The following CA4 variants were observed in gnomAD, a reference collection of about 807,000 sequenced individuals.
The protein encoded by CA4 is carbonic anhydrase 4, also known as CA-IV.
In CA4, 24 loss-of-function variants were observed where a neutral mutation model predicts 34.5. The observed-to-expected ratio is 0.70, with a 90% CI of 0.50 to 0.98. CA4 has a LOEUF of 0.98. Among genes scored for constraint, CA4 ranks in the 50% least tolerant of loss-of-function variants. The pLI is 0.00. For missense variants in CA4, 394 were observed against 396.7 expected, an observed-to-expected ratio of 0.99 and a Z score of 0.06; for synonymous variants, 178 against 170.6, an observed-to-expected ratio of 1.04 and a Z score of -0.34.
intron 1 of CA4, among the ~76,000 whole-genome samples, chr17:60,152,332 C>T (rs1177735761): frequency 6.6e-6 from 1 of 151,750 alleles, no homozygotes; most frequent in African/African-American, 2.4e-5. Flanking sequence ...CCTCATCCAC[C>T]GACATGGACC....
At chr17:60,175,824 T>C (rs1022214268), downstream of CA4, among the ~76,000 whole-genome samples, 6 of 151,122 alleles carry the variant, frequency 4.0e-5, no homozygotes, top group Admixed American at 3.3e-4. Context: ...TATACATTTT[T>C]TTTTTTTTTT....
intron 7 of CA4, chr17:60,158,761 C>T (rs954833155): frequency 1.7e-5 from 8 of 463,234 alleles, no homozygotes; most frequent in Non-Finnish European, 2.8e-5. Flanking sequence ...GCACTGCTTT[C>T]ATTCCAAAAC....
downstream of CA4, among the ~76,000 whole-genome samples, chr17:60,161,496 G>A (rs568060902): frequency 6.6e-6 from 1 of 152,172 alleles, no homozygotes; most frequent in South Asian, 2.1e-4. Context: ...AGGAAGGCGT[G>A]CCCACCAGGA....
At chr17:60,155,041 G>A (rs1433268992) in intron 1 of CA4, among the ~76,000 whole-genome samples, 2 of 152,218 alleles carry the variant, frequency 1.3e-5, no homozygotes, top group Non-Finnish European at 2.9e-5. Flanking sequence ...TTAGAGATGA[G>A]TGGCCTCAGA....
At chr17:60,155,624 ACT>A (rs1327965125) in intron 2 of CA4, among the ~76,000 whole-genome samples, 19 of 150,508 alleles carry the variant, frequency 1.3e-4, no homozygotes, top group African/African-American at 3.7e-4. Flanking sequence ...ACACTCAAAC[ACT>A]CACACTCACA....
intron 1 of CA4, among the ~76,000 whole-genome samples, chr17:60,154,230 G>A (rs1349066869): frequency 1.3e-5 from 2 of 149,368 alleles, no homozygotes; most frequent in Non-Finnish European, 3.0e-5. Context: ...CTCCCAAAAG[G>A]AGGCCATGGG....
chr17:60,156,310 C>T (rs745335634), intron 2 of CA4, among the ~76,000 whole-genome samples: 5 of 152,204 alleles, frequency 3.3e-5, no homozygotes, highest in Non-Finnish European at 7.3e-5. Flanking sequence ...CAACCCTGTT[C>T]CCACCCTGTT....
In CA4 at chr17:60,156,619, A is replaced by T. The variant is rs1183228586; in HGVS notation, c.172A>T (p.Thr58Ser). The change falls in exon 3 of 8, where the codon ACC (threonine) becomes TCC (serine). Residue 58 changes from threonine to serine, a missense_variant. By Grantham distance (58) the Thr-to-Ser change is moderately conservative. Transcript: ENST00000300900. ...KDRQSPINIV[T>S]TKAKVDKKLG... ...CCGCCAGTCCCCCATCAACATCGTCACCACCAAGGCAAAGGTGGACAAAAA... is the reference window on the plus strand; with the variant it reads ...CCGCCAGTCCCCCATCAACATCGTCTCCACCAAGGCAAAGGTGGACAAAAA... The T allele has an allele frequency of 6.2e-7, 1 of 1,613,878 alleles. No individual in the cohort carries two copies. Among genetic ancestry groups the T allele is most frequent in the South Asian group, 1.1e-5 (1 of 91,086 alleles).
chr17:60,152,663 C>T (rs1372151062), intron 1 of CA4, among the ~76,000 whole-genome samples: 3 of 152,214 alleles, frequency 2.0e-5, no homozygotes, highest in African/African-American at 7.2e-5. Context: ...GCCCTCCAGT[C>T]AGAGAAGAGG....
chr17:60,150,675 A>G (rs1488762567), intron 1 of CA4, among the ~76,000 whole-genome samples: 3 of 146,826 alleles, frequency 2.0e-5, no homozygotes, highest in Non-Finnish European at 4.5e-5. Flanking sequence ...AAAAAAAAAA[A>G]AAAAAAAAAA....
intron 5 of CA4, among the ~76,000 whole-genome samples, chr17:60,167,654 T>C (rs2083868719): frequency 6.6e-6 from 1 of 152,256 alleles, no homozygotes; most frequent in Non-Finnish European, 1.5e-5. Context: ...GCTCTATTTA[T>C]GCCAGCTTTC....
chr17:60,159,372 C>T lies in CA4; in HGVS notation c.887C>T (p.Pro296Leu), dbSNP rs765023035. ...GGTCGGCCGCTGCCCTGGGCCCTGC[C>T]TGCCCTGCTGGGCCCCATGCTGGCC... Reference protein sequence around the residue: ...APGRPLPWALPALLGPMLACL... With the variant: ...APGRPLPWALLALLGPMLACL... Residue 296 changes from proline (P) to leucine (L), a missense_variant, in exon 8 of 8, where the codon CCT (proline) becomes CTT (leucine). Pro to Leu is a moderately conservative substitution (Grantham distance 98, BLOSUM62 -3). Coordinates refer to ENST00000300900, the MANE Select transcript of CA4 (RefSeq NM_000717.5). 3.7e-6 allele frequency: 6 copies of T among 1,612,126 alleles called. No individual in the cohort carries two copies. In the African/African-American group the frequency reaches 8.0e-5, roughly 22 times the overall value.
downstream of CA4, among the ~76,000 whole-genome samples, chr17:60,174,486 C>T (rs2083939831): frequency 6.6e-6 from 1 of 151,548 alleles, no homozygotes; most frequent in Non-Finnish European, 1.5e-5. Flanking sequence ...TTTAGATGGG[C>T]ATGTGCCTAG....
chr17:60,159,193 C>T lies in CA4; in HGVS notation c.745-37C>T, dbSNP rs529983471. 3.3e-5 allele frequency: 52 copies of T among 1,560,106 alleles called. No homozygotes were observed. The South Asian group carries it at 5.3e-4, about 16-fold the overall frequency. On this transcript the variant is annotated intron_variant, in intron 7 of 7. Coordinates refer to ENST00000300900, the MANE Select transcript of CA4 (RefSeq NM_000717.5). ...GTCACACGGCAGGGAGTGCAGCTCC[C>T]CCTGCCCCGACCTGCTGAGCCCCAT...
chr17:60,177,415 C>T, the CA4 span, among the ~76,000 whole-genome samples: 2 of 152,100 alleles, frequency 1.3e-5, no homozygotes, highest in African/African-American at 4.8e-5. Context: ...AAGTTTTATA[C>T]AGTAATTTAC....
At chr17:60,169,283 C>G (rs1009594115) in intron 5 of CA4, among the ~76,000 whole-genome samples, 6 of 151,098 alleles carry the variant, frequency 4.0e-5, no homozygotes, top group African/African-American at 1.5e-4. Context: ...GCAGCAGCAG[C>G]AGCAACAGCA....
chr17:60,172,739 C>G (rs1295563779), downstream of CA4, among the ~76,000 whole-genome samples: 1 of 151,980 alleles, frequency 6.6e-6, no homozygotes, highest in Non-Finnish European at 1.5e-5. Flanking sequence ...AACTACTTGG[C>G]AGGCTGAGGC....
Position 60,157,523 on chromosome 17 carries a change from C to T in CA4, c.365C>T (p.Pro122Leu). 2 of 1,614,206 alleles carry T rather than the reference C, an allele frequency of 1.2e-6. No homozygotes were observed. Among genetic ancestry groups the T allele is most frequent in the Non-Finnish European group, 1.7e-6 (2 of 1,180,026 alleles). ...KQLHLHWSDL[P>L]YKGSEHSLDG... ...TTGCACCTGCACTGGTCCGACTTGC[C>T]ATATAAGGGCTCGGAGCACAGCCTC... The change falls in exon 4 of 8, where the codon CCA (proline) becomes CTA (leucine). Residue 122 changes from proline (P) to leucine (L), a missense_variant. Coordinates refer to ENST00000300900, the MANE Select transcript of CA4 (RefSeq NM_000717.5).
At chr17:60,150,935 G>C (rs370054711) in intron 1 of CA4, among the ~76,000 whole-genome samples, 1 of 152,102 alleles carries the variant, frequency 6.6e-6, no homozygotes, top group African/African-American at 2.4e-5. Context: ...GGCGGGGGCG[G>C]GGGGTGGGGG....
Sources: allele counts gnomAD v4.1 joint callset (sites outside exome capture counted in the v4.1 genomes callset), GRCh38; gene constraint gnomAD v4.1.1; transcripts MANE v1.5; gene names NCBI Gene and HGNC (gene_info 2026-07-23, HGNC 2026-07-21).